DGKB: variants seen among roughly 807,000 people sequenced by gnomAD.
DGKB encodes 90 kDa diacylglycerol kinase.
Under a neutral mutation model 114.3 loss-of-function variants are expected in DGKB, and 67 were observed. The ratio of observed to expected loss-of-function variants is 0.59; its 90% CI spans 0.48 to 0.72. DGKB has a LOEUF of 0.72. Ranked by LOEUF, DGKB falls within the 30% of genes least tolerant of loss-of-function variation. The probability of loss-of-function intolerance (pLI) is 0.00; values close to 1 mark genes in which losing one functional copy is unlikely to be tolerated. For synonymous variants in DGKB, 398 were observed against 323.1 expected, an observed-to-expected ratio of 1.23 and a Z score of -2.49; for missense variants, 907 against 975.2, an observed-to-expected ratio of 0.93 and a Z score of 0.93.
upstream of DGKB, among the ~76,000 whole-genome samples, chr7:14,906,598 C>T (rs142976039): frequency 2.8e-3 from 418 of 151,790 alleles, 2 homozygotes; most frequent in South Asian, 0.015. Flanking sequence ...GGATTACAGG[C>T]GCATGCCACC....
chr7:14,336,582 G>C (rs1253807889), intron 23 of DGKB, among the ~76,000 whole-genome samples: 1 of 152,166 alleles, frequency 6.6e-6, no homozygotes, highest in Non-Finnish European at 1.5e-5. Flanking sequence ...ATGGGAAATT[G>C]GTTCTAATAG....
chr7:14,858,560 G>T (rs2128174674), intron 1 of DGKB, among the ~76,000 whole-genome samples: 1 of 152,218 alleles, frequency 6.6e-6, no homozygotes, highest in South Asian at 2.1e-4. Flanking sequence ...TTGTTAAGTG[G>T]GATGGCAGCT....
intron 13 of DGKB, among the ~76,000 whole-genome samples, chr7:14,644,233 T>C (rs1259795642): frequency 1.3e-5 from 2 of 152,186 alleles, no homozygotes; most frequent in Middle Eastern, 3.4e-3. Flanking sequence ...TGTTACCCTA[T>C]GAAAGCTACT....
At chr7:14,476,972 G>A (rs913581161) in intron 21 of DGKB, among the ~76,000 whole-genome samples, 12 of 151,762 alleles carry the variant, frequency 7.9e-5, no homozygotes, top group African/African-American at 2.9e-4. Flanking sequence ...GGCTGGTCTC[G>A]AACTCCCGAC....
At chr7:14,448,280 G>T (rs946411978) in intron 21 of DGKB, among the ~76,000 whole-genome samples, 3 of 152,130 alleles carry the variant, frequency 2.0e-5, no homozygotes, top group Admixed American at 6.6e-5. Flanking sequence ...GCATTATGCA[G>T]AAAGTGGAAT....
chr7:14,424,855 C>G (rs926817838), intron 21 of DGKB, among the ~76,000 whole-genome samples: 3 of 152,042 alleles, frequency 2.0e-5, no homozygotes, highest in Admixed American at 2.0e-4. Context: ...GATGTTTACT[C>G]CCCTGCACCA....
intron 23 of DGKB, among the ~76,000 whole-genome samples, chr7:14,262,827 A>T (rs565279570): frequency 1.8e-4 from 28 of 152,228 alleles, no homozygotes; most frequent in Admixed American, 1.4e-3. Context: ...TAGAACACTA[A>T]CTGGGCCAGC....
chr7:14,659,221 G>A (rs187731688), intron 13 of DGKB, among the ~76,000 whole-genome samples: 95 of 152,034 alleles, frequency 6.2e-4, no homozygotes, highest in African/African-American at 2.2e-3. Context: ...GGTCTAAAGG[G>A]CTATGGTGCT....
intron 13 of DGKB, among the ~76,000 whole-genome samples, chr7:14,643,282 G>A (rs1187255831): frequency 6.6e-6 from 1 of 152,124 alleles, no homozygotes; most frequent in Non-Finnish European, 1.5e-5. Context: ...CCTAGGGAGA[G>A]AAAAGCCCCT....
At chr7:14,478,748 T>C (rs567338329) in intron 20 of DGKB, among the ~76,000 whole-genome samples, 2 of 152,108 alleles carry the variant, frequency 1.3e-5, no homozygotes, top group South Asian at 4.2e-4. Context: ...TGTCTTGATG[T>C]GTAATTAATA....
intron 1 of DGKB, among the ~76,000 whole-genome samples, chr7:14,894,317 A>G (rs1004844496): frequency 1.3e-5 from 2 of 151,380 alleles, no homozygotes; most frequent in African/African-American, 4.8e-5. Flanking sequence ...TTTGAATTTT[A>G]ACTCATGAGG....
At chr7:14,462,574 G>T (rs367890455) in intron 21 of DGKB, among the ~76,000 whole-genome samples, 4 of 151,210 alleles carry the variant, frequency 2.6e-5, no homozygotes, top group African/African-American at 9.7e-5. Flanking sequence ...AAGGAGAACT[G>T]CTCAGGGAAA....
rs547281768 is a variant in DGKB, at chr7:14,275,889, T to C, written c.2122+62626A>G. ...ATAAGCTGTCATTTAGTCCTGACTT[T>C]GTACAGTAGGTGAGCGTTTAATTAA... On this transcript the variant is annotated intron_variant, in intron 23 of 25. Coordinates refer to ENST00000402815, the MANE Select transcript of DGKB (RefSeq NM_001350709.2). 4.6e-5 allele frequency among the ~76,000 whole-genome samples: 7 copies of C among 152,328 alleles called. No individual in the cohort carries two copies. The East Asian group carries it at 1.4e-3, about 29-fold the overall frequency.
chr7:14,602,534 G>A (rs934246583), intron 17 of DGKB, among the ~76,000 whole-genome samples: 1 of 152,150 alleles, frequency 6.6e-6, no homozygotes, highest in Admixed American at 6.6e-5. Context: ...AATGGGATTA[G>A]TGAATTTGTA....
chr7:14,583,901 G>C (rs1195185508), intron 17 of DGKB, among the ~76,000 whole-genome samples: 1 of 152,156 alleles, frequency 6.6e-6, no homozygotes, highest in Non-Finnish European at 1.5e-5. Flanking sequence ...AAACAGGACA[G>C]AAATTTTGGT....
chr7:14,357,383 T>C (rs573979483), intron 21 of DGKB, among the ~76,000 whole-genome samples: 49 of 152,262 alleles, frequency 3.2e-4, no homozygotes, highest in Non-Finnish European at 5.7e-4. Flanking sequence ...TCTTTGTTGG[T>C]TTAAAGTCTG....
intron 20 of DGKB, among the ~76,000 whole-genome samples, chr7:14,537,554 A>G (rs1792711531): frequency 6.6e-6 from 1 of 152,204 alleles, no homozygotes; most frequent in African/African-American, 2.4e-5. Context: ...TATCTTCAAT[A>G]CATGGTGTTT....
chr7:14,827,506 T>C (rs760087075), intron 2 of DGKB, among the ~76,000 whole-genome samples: 6 of 152,058 alleles, frequency 3.9e-5, no homozygotes, highest in Non-Finnish European at 5.9e-5. Flanking sequence ...GTGGACTTGA[T>C]GGAAGAAACT....
chr7:14,932,878 G>A (rs1167965043), intron 1 of DGKB, among the ~76,000 whole-genome samples: 2 of 152,174 alleles, frequency 1.3e-5, no homozygotes, highest in Non-Finnish European at 2.9e-5. Flanking sequence ...GGCAGTGAGT[G>A]ATAGGAACTT....
Sources: allele counts gnomAD v4.1 joint callset (sites outside exome capture counted in the v4.1 genomes callset), GRCh38; gene constraint gnomAD v4.1.1; transcripts MANE v1.5; gene names NCBI Gene and HGNC (gene_info 2026-07-23, HGNC 2026-07-21).